CERS6: variants seen among roughly 807,000 people sequenced by gnomAD.
The protein encoded by CERS6 is LAG1 homolog, ceramide synthase 6.
Under a neutral mutation model 56.8 loss-of-function variants are expected in CERS6, and 26 were observed. The observed-to-expected ratio is 0.46, with a 90% CI of 0.34 to 0.63. The LOEUF is 0.63. Among genes scored for constraint, CERS6 ranks in the 30% least tolerant of loss-of-function variants. The pLI is 0.01. For synonymous variants in CERS6, 164 were observed against 173.3 expected, an observed-to-expected ratio of 0.95 and a Z score of 0.42; for missense variants, 415 against 467.5, an observed-to-expected ratio of 0.89 and a Z score of 1.04.
chr2:168,738,394 C>T (rs918423660), intron 8 of CERS6, among the ~76,000 whole-genome samples: 34 of 152,166 alleles, frequency 2.2e-4, no homozygotes, highest in Non-Finnish European at 2.1e-4. Context: ...AGGAACCAAA[C>T]AGAAAATAGT....
chr2:168,510,446 T>C (rs982121295), intron 1 of CERS6, among the ~76,000 whole-genome samples: 1 of 152,218 alleles, frequency 6.6e-6, no homozygotes, highest in Non-Finnish European at 1.5e-5. Context: ...GGTAATGTGC[T>C]ATGCAGATTT....
chr2:168,518,835 G>T (rs1694929022), intron 1 of CERS6, among the ~76,000 whole-genome samples: 1 of 152,130 alleles, frequency 6.6e-6, no homozygotes, highest in Non-Finnish European at 1.5e-5. Context: ...TAACAGATGG[G>T]TGCATCTCTG....
At position 168,685,153 on chromosome 2, in the gene CERS6, C is replaced by T. The variant is rs115975287; in HGVS notation, c.466-5881C>T. Among the ~76,000 whole-genome samples, 836 of 152,228 alleles carry T rather than the reference C, an allele frequency of 5.5e-3. 4 individuals carry two copies. Among genetic ancestry groups the T allele is most frequent in the Non-Finnish European group, 8.3e-3 (563 of 67,998 alleles). ...TGTGAAAGCTAGGTAAGAGTTTTCA[C>T]GGAAATAGCAAAAGATGAAATTTGC... On this transcript the variant is annotated intron_variant, in intron 4 of 9. Transcript: ENST00000305747.
At chr2:168,746,820 T>TATATATATA (rs1329677014) in intron 8 of CERS6, among the ~76,000 whole-genome samples, 1 of 80,044 alleles carries the variant, frequency 1.2e-5, no homozygotes, top group African/African-American at 4.8e-5. Flanking sequence ...TATATATATA[T>TATATATATA]AAAATCATCT....
At chr2:168,483,384 A>C (rs1329517351) in intron 1 of CERS6, among the ~76,000 whole-genome samples, 1 of 151,942 alleles carries the variant, frequency 6.6e-6, no homozygotes, top group Non-Finnish European at 1.5e-5. Context: ...GATACTGGTT[A>C]CTGGTTACTC....
chr2:168,641,944 T>C (rs1685063099), intron 4 of CERS6, among the ~76,000 whole-genome samples: 1 of 152,162 alleles, frequency 6.6e-6, no homozygotes, highest in South Asian at 2.1e-4. Flanking sequence ...GTTAAAAATT[T>C]TTTGGGGAAA....
At chr2:168,560,391 G>A (rs1695765934) in intron 2 of CERS6, among the ~76,000 whole-genome samples, 1 of 152,134 alleles carries the variant, frequency 6.6e-6, no homozygotes, top group African/African-American at 2.4e-5. Context: ...GGTTCTTGTT[G>A]CAATATAATT....
intron 8 of CERS6, among the ~76,000 whole-genome samples, chr2:168,763,376 G>C (rs1684636281): frequency 6.6e-6 from 1 of 151,124 alleles, no homozygotes; most frequent in Non-Finnish European, 1.5e-5. Flanking sequence ...TGAGTAGCTG[G>C]GACTACAACA....
chr2:168,650,717 G>A (rs946411481), intron 4 of CERS6, among the ~76,000 whole-genome samples: 5 of 151,382 alleles, frequency 3.3e-5, no homozygotes, highest in Non-Finnish European at 7.4e-5. Flanking sequence ...CTAGATCTGC[G>A]CTGGTGGCAG....
At chr2:168,506,442 C>T (rs866687736) in intron 1 of CERS6, among the ~76,000 whole-genome samples, 2 of 152,150 alleles carry the variant, frequency 1.3e-5, no homozygotes, top group Non-Finnish European at 2.9e-5. Context: ...GTCCGACCCA[C>T]CTGATTTATC....
intron 3 of CERS6, among the ~76,000 whole-genome samples, chr2:168,595,279 C>T (rs1667638268): frequency 6.6e-6 from 1 of 152,196 alleles, no homozygotes; most frequent in South Asian, 2.1e-4. Context: ...ACTCCCAGCT[C>T]CTGACTTTCA....
At chr2:168,651,079 A>C (rs1348136558) in intron 4 of CERS6, among the ~76,000 whole-genome samples, 1 of 152,220 alleles carries the variant, frequency 6.6e-6, no homozygotes. Flanking sequence ...TGAGGCAAAC[A>C]GTAAATCTGT....
At chr2:168,467,806 T>C (rs183845154) in intron 1 of CERS6, among the ~76,000 whole-genome samples, 45 of 152,296 alleles carry the variant, frequency 3.0e-4, no homozygotes, top group Non-Finnish European at 5.4e-4. Context: ...CAGTATTGAG[T>C]ACCTGCTTGA....
chr2:168,527,078 GT>G (rs1354223273), intron 1 of CERS6, among the ~76,000 whole-genome samples: 1 of 152,206 alleles, frequency 6.6e-6, no homozygotes, highest in Non-Finnish European at 1.5e-5. Context: ...CTTCCCTATA[GT>G]TTCTGTCAAC....
intron 3 of CERS6, among the ~76,000 whole-genome samples, chr2:168,612,799 G>T (rs1365623685): frequency 6.6e-6 from 1 of 152,194 alleles, no homozygotes; most frequent in Non-Finnish European, 1.5e-5. Context: ...AACTCCTCTT[G>T]TTCTTTTTCT....
intron 3 of CERS6, among the ~76,000 whole-genome samples, chr2:168,570,577 G>A (rs1426628436): frequency 6.6e-6 from 1 of 152,118 alleles, no homozygotes; most frequent in African/African-American, 2.4e-5. Flanking sequence ...AGTCTGATCA[G>A]CCTTAGGAGG....
chr2:168,743,919 C>T (rs973308605), intron 8 of CERS6, among the ~76,000 whole-genome samples: 13 of 142,038 alleles, frequency 9.2e-5, no homozygotes, highest in Non-Finnish European at 1.7e-4. Context: ...TTCTGTCCCA[C>T]CCCACCCCCC....
intron 4 of CERS6, among the ~76,000 whole-genome samples, chr2:168,636,405 A>G (rs572614680): frequency 1.2e-3 from 186 of 152,318 alleles, no homozygotes; most frequent in African/African-American, 4.3e-3. Flanking sequence ...TCAGTATAGA[A>G]TGATAAGTTG....
intron 3 of CERS6, among the ~76,000 whole-genome samples, chr2:168,562,742 G>A (rs767526207): frequency 6.6e-6 from 1 of 152,186 alleles, no homozygotes; most frequent in East Asian, 1.9e-4. Context: ...GTTCCCAGGG[G>A]CAGGCAGGAG....
Sources: allele counts gnomAD v4.1 joint callset (sites outside exome capture counted in the v4.1 genomes callset), GRCh38; gene constraint gnomAD v4.1.1; transcripts MANE v1.5; gene names NCBI Gene and HGNC (gene_info 2026-07-23, HGNC 2026-07-21).